ZFAND3: variants seen among roughly 807,000 people sequenced by gnomAD.
ZFAND3 encodes zinc finger AN1-type containing 3, also known as AN1-type zinc finger protein 3.
ZFAND3 carries 10 observed loss-of-function variants against 29.6 expected under a neutral mutation model. The ratio of observed to expected loss-of-function variants is 0.34; its 90% CI spans 0.21 to 0.57. The LOEUF is 0.57. Among genes scored for constraint, ZFAND3 ranks in the 20% least tolerant of loss-of-function variants. ZFAND3 has a pLI of 0.86. For missense variants in ZFAND3, 230 were observed against 304.5 expected (o/e 0.76, Z 1.82); for synonymous variants, 128 against 112.6 (o/e 1.14, Z -0.87).
chr6:38,141,760 TGGA>T (rs1562014611), intron 5 of ZFAND3, among the ~76,000 whole-genome samples: 1 of 151,982 alleles, frequency 6.6e-6, no homozygotes, highest in East Asian at 1.9e-4. Flanking sequence ...GTTGTGTGAA[TGGA>T]GGAGGAAGGA....
At chr6:37,948,958 T>G (rs1761948469) in intron 2 of ZFAND3, among the ~76,000 whole-genome samples, 1 of 152,182 alleles carries the variant, frequency 6.6e-6, no homozygotes, top group Admixed American at 6.5e-5. Flanking sequence ...TTACACTCCT[T>G]TGGGTATTTA....
intron 3 of ZFAND3, among the ~76,000 whole-genome samples, chr6:38,069,713 G>A (rs552693712): frequency 6.6e-6 from 1 of 152,316 alleles, no homozygotes; most frequent in African/African-American, 2.4e-5. Flanking sequence ...GTTAATCTCT[G>A]TCAAAATACA....
At chr6:38,026,443 T>TC (rs1165016472) in intron 2 of ZFAND3, among the ~76,000 whole-genome samples, 1 of 146,000 alleles carries the variant, frequency 6.8e-6, no homozygotes, top group East Asian at 2.0e-4. Flanking sequence ...TTTTTTTTTT[T>TC]TTTTGAGACA....
At chr6:37,943,503 A>C (rs757394294) in intron 2 of ZFAND3, among the ~76,000 whole-genome samples, 4 of 152,178 alleles carry the variant, frequency 2.6e-5, no homozygotes, top group Non-Finnish European at 5.9e-5. Flanking sequence ...TTTAGGATCC[A>C]GTAGCTGTTA....
At chr6:37,832,585 T>C (rs1314295430) in intron 1 of ZFAND3, among the ~76,000 whole-genome samples, 2 of 152,168 alleles carry the variant, frequency 1.3e-5, no homozygotes, top group Non-Finnish European at 1.5e-5. Flanking sequence ...ATGATTAGTT[T>C]TAGACAGGTT....
intron 3 of ZFAND3, among the ~76,000 whole-genome samples, chr6:38,081,196 C>G (rs1044604683): frequency 6.6e-6 from 1 of 150,852 alleles, no homozygotes; most frequent in African/African-American, 2.4e-5. Flanking sequence ...ATCTCCATGA[C>G]TGTGTGGTGA....
intron 1 of ZFAND3, among the ~76,000 whole-genome samples, chr6:37,904,243 C>T (rs190737763): frequency 8.2e-4 from 125 of 152,156 alleles, no homozygotes; most frequent in African/African-American, 2.8e-3. Context: ...TATTAATGGG[C>T]GAAGTTCCAT....
At chr6:38,075,283 C>T (rs1355284314) in intron 3 of ZFAND3, among the ~76,000 whole-genome samples, 3 of 152,116 alleles carry the variant, frequency 2.0e-5, no homozygotes, top group Non-Finnish European at 4.4e-5. Context: ...CCATTAAGAC[C>T]ATTTGTGATT....
intron 1 of ZFAND3, among the ~76,000 whole-genome samples, chr6:37,878,112 G>T (rs909971439): frequency 2.6e-5 from 4 of 152,164 alleles, no homozygotes; most frequent in Non-Finnish European, 5.9e-5. Flanking sequence ...GTGGGAACTC[G>T]TACAAATGTG....
At chr6:37,867,594 T>C (rs548464258) in intron 1 of ZFAND3, among the ~76,000 whole-genome samples, 32 of 152,200 alleles carry the variant, frequency 2.1e-4, no homozygotes, top group Non-Finnish European at 4.6e-4. Context: ...AATTTTTCAT[T>C]CCACATTAGT....
chr6:38,138,791 TAAAC>T (rs1222657566), intron 5 of ZFAND3, among the ~76,000 whole-genome samples: 2 of 152,206 alleles, frequency 1.3e-5, no homozygotes, highest in Non-Finnish European at 2.9e-5. Context: ...GATGAGGAGA[TAAAC>T]TAACAGAGGT....
intron 2 of ZFAND3, among the ~76,000 whole-genome samples, chr6:38,013,315 C>T (rs1005861754): frequency 2.6e-5 from 4 of 152,156 alleles, no homozygotes; most frequent in Non-Finnish European, 5.9e-5. Context: ...TCAGTCTTGC[C>T]TAGTAAAGTC....
intron 4 of ZFAND3, among the ~76,000 whole-genome samples, chr6:38,091,467 T>C (rs1764867166): frequency 1.4e-5 from 2 of 140,542 alleles, no homozygotes; most frequent in South Asian, 2.3e-4. Context: ...CCTTTGAAAC[T>C]TTAGGATTTT....
intron 2 of ZFAND3, among the ~76,000 whole-genome samples, chr6:37,984,256 T>C (rs923510090): frequency 1.1e-4 from 17 of 151,674 alleles, no homozygotes; most frequent in Non-Finnish European, 2.5e-4. Context: ...ATAAAGGTCA[T>C]GAAATGCCAA....
At chr6:37,908,542 TAAAAA>T (rs70981504) in intron 1 of ZFAND3, among the ~76,000 whole-genome samples, 1 of 124,130 alleles carries the variant, frequency 8.1e-6, no homozygotes, top group Non-Finnish European at 1.7e-5. Flanking sequence ...AAAAAAAAAT[TAAAAA>T]AAAAAAAAAA....
At chr6:38,143,432 C>G (rs1766004645) in intron 5 of ZFAND3, among the ~76,000 whole-genome samples, 1 of 152,286 alleles carries the variant, frequency 6.6e-6, no homozygotes, top group Non-Finnish European at 1.5e-5. Context: ...TGACTGCACA[C>G]AGCTGCCTTA....
rs186211639 is a variant in ZFAND3 at position 38,033,815 on chromosome 6, A to G, written c.113-27778A>G. On this transcript the variant is annotated intron_variant, in intron 2 of 5. Coordinates refer to ENST00000287218, the MANE Select transcript of ZFAND3 (RefSeq NM_021943.3). ...CAGGGATAGCTCAGTCAGTCAGTCA[A>G]TCACAGGGTATCTCTATGACAACTC... Among the ~76,000 whole-genome samples, 219 of 152,266 alleles carry G rather than the reference A, an allele frequency of 1.4e-3. 1 individual carries two copies. Among genetic ancestry groups the G allele is most frequent in the African/African-American group, 5.0e-3 (207 of 41,556 alleles).
chr6:38,017,170 G>A (rs747393670), intron 2 of ZFAND3, among the ~76,000 whole-genome samples: 2 of 152,226 alleles, frequency 1.3e-5, no homozygotes, highest in Non-Finnish European at 2.9e-5. Context: ...AGGGAAAAGT[G>A]TTTCAAGCCC....
chr6:38,062,542 C>CTGGCA (rs1381726089), intron 3 of ZFAND3: 16 of 152,200 alleles, frequency 1.1e-4, no homozygotes, highest in African/African-American at 3.9e-4. Context: ...GCCACCATGC[C>CTGGCA]TGGCTAATTA....
Sources: gnomAD v4.1 joint callset for allele counts (sites outside exome capture counted in the v4.1 genomes callset) on GRCh38, gnomAD v4.1.1 for gene constraint, MANE v1.5 for transcripts, NCBI Gene and HGNC (gene_info 2026-07-23, HGNC 2026-07-21) for gene names.